Variants in KIF23 observed in about 807,000 individuals in gnomAD.
KIF23 encodes the protein kinesin-like protein KIF23.
In KIF23, 30 loss-of-function variants were observed where a neutral mutation model predicts 137.5. The observed-to-expected ratio is 0.22, with a 90% confidence interval of 0.16 to 0.30. The LOEUF (loss-of-function observed/expected upper bound fraction) is 0.30, where lower values mean the gene tolerates loss of function less well. Ranked by LOEUF, KIF23 falls within the 10% of genes least tolerant of loss-of-function variation. The pLI, the probability that KIF23 is intolerant of heterozygous loss-of-function variation, is 1.00. For synonymous variants in KIF23, 367 were observed against 391.1 expected (o/e 0.94, Z 0.73); for missense variants, 920 against 1,194.3 (o/e 0.77, Z 3.38).
In KIF23 at chr15:69,435,267, C is replaced by A. The variant is rs1000898201; in HGVS notation, c.1115-216C>A. On this transcript the variant is annotated intron_variant, in intron 11 of 23. Coordinates refer to ENST00000679126, the MANE Select transcript of KIF23 (RefSeq NM_001367805.3). ...TTGTGGAAAATCCTGTTGGTAGAAT[C>A]CCTGAAGGATGGCTGTTTAACCTTC... The A allele has an allele frequency of 1.3e-5, 7 of 541,504 alleles. No homozygotes were observed. In the East Asian group the frequency reaches 2.1e-4, roughly 16 times the overall value. 33.5% of individuals were successfully genotyped at this position (541,504 alleles called of 1,614,324 possible). A position where few individuals can be genotyped will look rare whatever the true frequency, so the allele number is the denominator to read the frequency against.
At position 69,444,216 on chromosome 15, in the gene KIF23, G is replaced by C. The variant is rs1313931161; in HGVS notation, c.2422-574G>C. 1 of 152,280 alleles carries C rather than the reference G, an allele frequency of 6.6e-6. No individual in the cohort carries two copies. The highest frequency in any genetic ancestry group is 1.5e-5 in the Non-Finnish European group (1 of 68,184). The allele number at this position is 152,280 out of a possible 1,614,324, so 9.4% of individuals were successfully genotyped here. ...TGGGGGAAAAATTAGTTGGTATATT[G>C]TAGCCATTACTGTATTTGAACTTTT... On this transcript the variant is annotated intron_variant, in intron 19 of 23. Transcript: ENST00000679126. This position sits in a 1 kb window ranked among gnomAD's most constrained non-coding sequence, Gnocchi z 4.2.
rs1347555224 is a variant in KIF23 at position 69,436,254 on chromosome 15, T to C, written c.1431T>C (p.Val477=). The change falls in exon 14 of 24, where the codon GTT becomes GTC. Residue 477 remains valine, a synonymous_variant. Transcript: ENST00000679126. ...RRYRNQPRGP[V]GNEPLVTDVV... is the part of the protein sequence containing the mutation. ...ACAGAAACCAGCCTCGAGGTCCAGT[T>C]GGAAATGGTATGATTTGGTGTTGTA... 6.2e-7 allele frequency: 1 copy of C among 1,613,720 alleles called. No homozygotes were observed.
At chr15:69,415,247 G>A (rs2056869942) in intron 1 of KIF23, among the ~76,000 whole-genome samples, 1 of 152,142 alleles carries the variant, frequency 6.6e-6, no homozygotes, top group South Asian at 2.1e-4. Flanking sequence ...AGAAATATAC[G>A]TTGAGTTTAA....
chr15:69,445,863 A>T (rs2140421202), intron 20 of KIF23, 146 bp from the exon 21 acceptor site: 1 of 629,694 alleles, frequency 1.6e-6, no homozygotes. Flanking sequence ...TTTTGATAGT[A>T]CGTACTCAGC....
chr15:69,425,386 C>T (rs2057163776), intron 8 of KIF23, 63 bp downstream of exon 8: 1 of 1,382,866 alleles, frequency 7.2e-7, no homozygotes, highest in East Asian at 2.5e-5. Context: ...GGTTGGCATT[C>T]TGTGGCATGT....
At chr15:69,434,993 C>T (rs2057440820) in intron 11 of KIF23, 5 of 620,522 alleles carry the variant, frequency 8.1e-6, no homozygotes, top group Non-Finnish European at 5.7e-6. Flanking sequence ...GCTTCAGAAA[C>T]AGCACGGACT....
chr15:69,422,586 A>G (rs1205564345), intron 6 of KIF23, 151 bp downstream of exon 6: 11 of 608,670 alleles, frequency 1.8e-5, no homozygotes, highest in Middle Eastern at 2.9e-4. Context: ...CTTTGCTCAG[A>G]TGTTTTCTCT....
intron 1 of KIF23, 128 bp downstream of exon 1, chr15:69,414,604 G>C: frequency 9.3e-7 from 1 of 1,078,598 alleles, no homozygotes; most frequent in Non-Finnish European, 1.2e-6. Context: ...GCCCGGTGCT[G>C]CTGCGGCCGC....
chr15:69,422,158 T>C, intron 5 of KIF23, 30 bp downstream of exon 5: 1 of 1,610,180 alleles, frequency 6.2e-7, no homozygotes, highest in Non-Finnish European at 8.5e-7. Flanking sequence ...GTTGTGACTA[T>C]CTTACTGGAC....
chr15:69,421,545 C>T (rs919540858), intron 3 of KIF23, 102 bp from the exon 4 acceptor site: 10 of 710,436 alleles, frequency 1.4e-5, no homozygotes, highest in Admixed American at 1.2e-4. Flanking sequence ...TCTTTGCATG[C>T]TTAGATCTTA....
chr15:69,421,827 ATATTT>A, intron 4 of KIF23, 75 bp downstream of exon 4: 1 of 1,321,604 alleles, frequency 7.6e-7, no homozygotes. Flanking sequence ...TGATATTTAT[ATATTT>A]GATTTATGTT....
rs773558062 is a variant in KIF23, at chr15:69,417,452, A to G, written c.151A>G (p.Thr51Ala). Residue 51 changes from threonine to alanine, a missense_variant, in exon 3 of 24, where the codon ACT becomes GCT. Physicochemically the swap from Thr to Ala is moderately conservative, Grantham distance 58. Around this residue, in one of 4 missense-constraint regions of KIF23, gnomAD observed 124 missense variants for 122.0 expected, o/e 1.02. Transcript: ENST00000679126. ...TTGCATAGAAGTGATCAATAATACA[A>G]CTGTTCAGCTTCATACTCCTGAGGG... is the stretch of plus-strand genomic sequence containing the variant. ...ECCIEVINNT[T>A]VQLHTPEGYR... is the part of the protein sequence containing the mutation. 18 of 1,613,786 alleles carry G rather than the reference A, an allele frequency of 1.1e-5. No homozygotes were observed. Among genetic ancestry groups the G allele is most frequent in the South Asian group, 2.2e-5 (2 of 91,034 alleles).
chr15:69,444,564 C>T lies in KIF23; in HGVS notation c.2422-226C>T. 2.0e-6 allele frequency: 1 copy of T among 500,232 alleles called. No homozygotes were observed. Among genetic ancestry groups the T allele is most frequent in the Non-Finnish European group, 3.5e-6 (1 of 286,906 alleles). The allele number at this position is 500,232 out of a possible 1,614,324, so 31.0% of individuals were successfully genotyped here. ...GCATTACCAGAATTTTTTCTTTTAT[C>T]CTTTATTGAAAGGGAAACTCCCAGA... On this transcript the variant is annotated intron_variant, in intron 19 of 23. Coordinates refer to ENST00000679126, the MANE Select transcript of KIF23 (RefSeq NM_001367805.3). This position sits in a 1 kb window ranked among gnomAD's most constrained non-coding sequence, Gnocchi z 4.2.
chr15:69,429,152 T>C lies in KIF23; in HGVS notation c.1053T>C (p.Asp351=), dbSNP rs2140352543. The C allele has an allele frequency of 6.2e-7, 1 of 1,613,574 alleles. No homozygotes were observed. Among genetic ancestry groups the C allele is most frequent in the Non-Finnish European group, 8.5e-7 (1 of 1,179,608 alleles). The change falls in exon 11 of 24, where the codon GAT becomes GAC. Residue 351 remains aspartate (D), a synonymous_variant. Transcript: ENST00000679126. ...QITISQLSLV[D]LAGSERTNRT... is the part of the protein sequence containing the mutation. ...CTATAAGTCAGTTGTCCTTGGTAGA[T>C]CTTGCTGGAAGTGAAAGAACTAACC...
intron 22 of KIF23, 43 bp from the exon 23 acceptor site, chr15:69,446,828 T>C (rs764484377): frequency 1.9e-6 from 3 of 1,551,052 alleles, no homozygotes; most frequent in South Asian, 1.1e-5. Context: ...TTATAGACTA[T>C]TGAGAGGAGC....
chr15:69,421,898 G>C (rs2057066898), intron 4 of KIF23, 94 bp from the exon 5 acceptor site: 27 of 1,482,590 alleles, frequency 1.8e-5, no homozygotes, highest in Non-Finnish European at 1.5e-5. Flanking sequence ...CCTTTTTTGA[G>C]CTGGCTAATT....
At chr15:69,416,908 C>T (rs756463324) in intron 2 of KIF23, among the ~76,000 whole-genome samples, 3 of 151,936 alleles carry the variant, frequency 2.0e-5, no homozygotes, top group Non-Finnish European at 2.9e-5. Context: ...GAGATCATGC[C>T]ATTGCACTCC....
chr15:69,446,728 G>A lies in KIF23; in HGVS notation c.2839-143G>A, dbSNP rs1268879345. The stretch of plus-strand genomic sequence containing the variant: ...GGCCTGTGCCAGAAATAAATTACGA[G>A]TGACTGGTGTTTTAACGTAAGAGTC... On this transcript the variant is annotated intron_variant, in intron 22 of 23. Coordinates refer to ENST00000679126, the MANE Select transcript of KIF23 (RefSeq NM_001367805.3). The A allele has an allele frequency of 1.2e-4, 91 of 769,988 alleles. 1 individual carries two copies. In the South Asian group the frequency reaches 1.2e-3, roughly 10 times the overall value. 47.7% of individuals were successfully genotyped at this position (769,988 alleles called of 1,614,324 possible). A position where few individuals can be genotyped will look rare whatever the true frequency, so the allele number is the denominator to read the frequency against.
At chr15:69,437,245 G>C (rs1475027913) in intron 15 of KIF23, among the ~76,000 whole-genome samples, 1 of 152,042 alleles carries the variant, frequency 6.6e-6, no homozygotes, top group African/African-American at 2.4e-5. Context: ...AAGTCAAAAA[G>C]AAAAAAGTGA....
Sources: gnomAD v4.1 joint callset for allele counts (sites outside exome capture counted in the v4.1 genomes callset) on GRCh38, gnomAD v4.1.1 for gene constraint, gnomAD v4.1.1 regional missense constraint, Gnocchi (gnomAD v3.1) non-coding constraint, MANE v1.5 for transcripts, NCBI Gene and HGNC (gene_info 2026-07-23, HGNC 2026-07-21) for gene names.